The following ZFYVE1 variants were observed in gnomAD, a reference collection of about 807,000 sequenced individuals.
ZFYVE1 encodes zinc finger FYVE-type containing 1, also known as zinc finger FYVE domain-containing protein 1.
Under a neutral mutation model 74.4 loss-of-function variants are expected in ZFYVE1, and 30 were observed. The ratio of observed to expected loss-of-function variants is 0.40; its 90% CI spans 0.30 to 0.55. ZFYVE1 has a LOEUF of 0.55. ZFYVE1 is among the 20% of genes least tolerant of loss of function. ZFYVE1 has a pLI of 0.42. For synonymous variants in ZFYVE1, 335 were observed against 385.1 expected, an observed-to-expected ratio of 0.87 and a Z score of 1.52; for missense variants, 703 against 1,011.6, an observed-to-expected ratio of 0.69 and a Z score of 4.14.
At chr14:73,019,248 A>C (rs1031483204) in intron 2 of ZFYVE1, among the ~76,000 whole-genome samples, 11 of 152,154 alleles carry the variant, frequency 7.2e-5, no homozygotes, top group Non-Finnish European at 1.0e-4. Context: ...ATTTGAGGAG[A>C]CCACACACAA....
rs368152486 is a variant in ZFYVE1, at chr14:73,024,443, G to A, written c.66C>T (p.Tyr22=). 19 of 1,613,890 alleles carry A rather than the reference G, an allele frequency of 1.2e-5. No individual in the cohort carries two copies. Among genetic ancestry groups the A allele is most frequent in the Non-Finnish European group, 1.4e-5 (17 of 1,179,930 alleles). Residue 22 remains tyrosine, a synonymous_variant, in exon 2 of 12, where the codon TAC becomes TAT. Transcript: ENST00000556143. ...TAGCTTCATCAGTCCCGCTGCAAGC[G>A]TAACTTTCCTGGCACATCAGCCCCG... The part of the protein sequence containing the change: ...LNPGLMCQES[Y]ACSGTDEAIF...
Position 72,980,526 on chromosome 14 carries a change from A to AGAATGAAT in ZFYVE1, c.1310+1262_1310+1263insATTCATTC, listed in dbSNP as rs201664717. Among the ~76,000 whole-genome samples, 10 of 125,462 alleles carry AGAATGAAT rather than the reference A, an allele frequency of 8.0e-5. No homozygotes were observed. The East Asian group carries it at 1.1e-3, about 14-fold the overall frequency. 82.3% of individuals were successfully genotyped at this position (125,462 alleles called of 152,430 possible). ...TCCCCATGAACATCAGCATCACCTG[A>AGAATGAAT]GAATTAATTAATTTATTTATTTATT... On this transcript the variant is annotated intron_variant, in intron 5 of 11. Coordinates refer to ENST00000556143, the MANE Select transcript of ZFYVE1 (RefSeq NM_021260.4).
Position 72,997,981 on chromosome 14 carries a change from T to C in ZFYVE1, c.818A>G (p.His273Arg), listed in dbSNP as rs367787249. 2.4e-5 allele frequency: 38 copies of C among 1,614,086 alleles called. No homozygotes were observed. Among genetic ancestry groups the C allele is most frequent in the Admixed American group, 3.3e-5 (2 of 60,006 alleles). ...CCCAAGGAATTTGAAGAGGTCGTTA[T>C]GCAGCCGGTCTGCATGAGTTCGATA... ...VIYRTHADRL[H>R]NDLFKFLGDA... is the part of the protein sequence containing the mutation. The change falls in exon 3 of 12, where the codon CAT becomes CGT. Residue 273 changes from histidine (H) to arginine (R), a missense_variant. Physicochemically the swap from His to Arg is conservative, Grantham distance 29. This residue lies in a region of ZFYVE1 where 492 missense variants were observed against 790.0 expected (regional missense o/e 0.62). Coordinates refer to ENST00000556143, the MANE Select transcript of ZFYVE1 (RefSeq NM_021260.4).
In ZFYVE1 at chr14:72,985,498, ATTTT is replaced by A. The variant is rs558711759; in HGVS notation, c.1204-3607_1204-3604del. On this transcript the variant is annotated intron_variant, in intron 4 of 11. Transcript: ENST00000556143. Reference sequence around the variant, plus strand: ...GGGCCCCTACCACAATGTATGGATAATTTTTTTTTTTTTAGTAGAGACAGGGTTT... The same window carrying A: ...GGGCCCCTACCACAATGTATGGATAATTTTTTTTTAGTAGAGACAGGGTTT... Among the ~76,000 whole-genome samples, 15 of 145,670 alleles carry A rather than the reference ATTTT, an allele frequency of 1.0e-4. 1 individual carries two copies. The highest frequency in any genetic ancestry group is 9.6e-4 in the Admixed American group (14 of 14,552).
chr14:72,994,826 T>C (rs1893707485), intron 3 of ZFYVE1, among the ~76,000 whole-genome samples: 1 of 152,160 alleles, frequency 6.6e-6, no homozygotes, highest in Non-Finnish European at 1.5e-5. Flanking sequence ...AGCAATACAG[T>C]CTTCGATCCT....
intron 2 of ZFYVE1, among the ~76,000 whole-genome samples, chr14:73,018,887 T>C (rs1231708933): frequency 1.3e-5 from 2 of 148,874 alleles, no homozygotes; most frequent in Admixed American, 1.4e-4. Flanking sequence ...GAGGTTGTAG[T>C]GAGCCAAGAT....
intron 2 of ZFYVE1, among the ~76,000 whole-genome samples, chr14:73,012,617 G>A (rs1413769145): frequency 6.6e-5 from 10 of 151,558 alleles, no homozygotes; most frequent in Non-Finnish European, 8.8e-5. Context: ...GGGAGATTTC[G>A]TCTCAAAAAA....
At chr14:72,972,652 G>A (rs1295780926) in intron 11 of ZFYVE1, among the ~76,000 whole-genome samples, 1 of 151,444 alleles carries the variant, frequency 6.6e-6, no homozygotes, top group Middle Eastern at 3.4e-3. Flanking sequence ...TCTCCCCCTC[G>A]CCATCCTAAA....
chr14:73,013,609 A>G (rs1894133587), intron 2 of ZFYVE1, among the ~76,000 whole-genome samples: 1 of 152,036 alleles, frequency 6.6e-6, no homozygotes. Context: ...CAAAAAAAAA[A>G]AGAAAAAAAC....
intron 2 of ZFYVE1, among the ~76,000 whole-genome samples, chr14:73,019,168 A>G (rs1409236286): frequency 6.6e-6 from 1 of 152,218 alleles, no homozygotes; most frequent in Admixed American, 6.5e-5. Flanking sequence ...TAGTCCTTTT[A>G]CATTTTCTAA....
In ZFYVE1 at chr14:72,993,336, T is replaced by C; in HGVS notation, c.1010A>G (p.Glu337Gly). ...CCGGAACCGGTCCTGGATGAGCTTC[T>C]CTGGCACCTCTGAGGGATGATCTAT... Reference protein sequence around the residue: ...LGSDHPSEVPEKLIQDRFRKL... With the variant: ...LGSDHPSEVPGKLIQDRFRKL... Residue 337 changes from glutamate (E) to glycine (G), a missense_variant, in exon 4 of 12, where the codon GAG (glutamate) becomes GGG (glycine). Glu to Gly is a moderately conservative substitution (Grantham distance 98, BLOSUM62 -2). Transcript: ENST00000556143. 6.2e-7 allele frequency: 1 copy of C among 1,612,768 alleles called. No individual in the cohort carries two copies. The highest frequency in any genetic ancestry group is 8.5e-7 in the Non-Finnish European group (1 of 1,179,828).
At chr14:72,995,244 A>ATG (rs1893716182) in intron 3 of ZFYVE1, among the ~76,000 whole-genome samples, 2 of 151,966 alleles carry the variant, frequency 1.3e-5, no homozygotes, top group Non-Finnish European at 2.9e-5. Flanking sequence ...ACAGGTGCCC[A>ATG]CCACCATACA....
intron 2 of ZFYVE1, among the ~76,000 whole-genome samples, chr14:73,018,479 T>C (rs1894247314): frequency 6.6e-6 from 1 of 150,690 alleles, no homozygotes; most frequent in Non-Finnish European, 1.5e-5. Flanking sequence ...AGACCTTCTC[T>C]GACCATCCTG....
At chr14:73,025,446 A>G (rs1159814443) in intron 1 of ZFYVE1, among the ~76,000 whole-genome samples, 1 of 151,684 alleles carries the variant, frequency 6.6e-6, no homozygotes, top group Non-Finnish European at 1.5e-5. Flanking sequence ...CTGTAATTCC[A>G]TCACTTTGGG....
At chr14:73,009,218 G>A (rs1214283996) in intron 2 of ZFYVE1, among the ~76,000 whole-genome samples, 1 of 152,116 alleles carries the variant, frequency 6.6e-6, no homozygotes, top group African/African-American at 2.4e-5. Flanking sequence ...CTGACTTTAG[G>A]ATAACTTTAT....
intron 4 of ZFYVE1, among the ~76,000 whole-genome samples, chr14:72,985,254 C>G (rs2140354754): frequency 1.3e-5 from 2 of 152,250 alleles, no homozygotes; most frequent in South Asian, 4.1e-4. Context: ...CTCCTAAGCC[C>G]AAGCAATCCT....
intron 2 of ZFYVE1, among the ~76,000 whole-genome samples, chr14:73,016,384 G>C (rs985408698): frequency 4.0e-5 from 6 of 151,376 alleles, no homozygotes; most frequent in Admixed American, 3.9e-4. Flanking sequence ...GGTGGCGGGC[G>C]CCTATAGTCC....
intron 2 of ZFYVE1, among the ~76,000 whole-genome samples, chr14:73,021,279 C>T (rs1212271986): frequency 1.3e-5 from 2 of 151,944 alleles, no homozygotes; most frequent in Middle Eastern, 3.2e-3. Context: ...ACCTGGGAGA[C>T]GGAGGTTGCA....
chr14:72,991,988 C>T (rs990401765), intron 4 of ZFYVE1, among the ~76,000 whole-genome samples: 60 of 151,498 alleles, frequency 4.0e-4, no homozygotes, highest in African/African-American at 1.3e-3. Context: ...CTCACTGCAA[C>T]GTCTGCCTCC....
Sources: gnomAD v4.1 joint callset for allele counts (sites outside exome capture counted in the v4.1 genomes callset) on GRCh38, gnomAD v4.1.1 for gene constraint, gnomAD v4.1.1 regional missense constraint, MANE v1.5 for transcripts, NCBI Gene and HGNC (gene_info 2026-07-23, HGNC 2026-07-21) for gene names.